PHF20: variants seen among roughly 807,000 people sequenced by gnomAD.
PHF20 encodes the protein glioma-expressed antigen 2.
In PHF20, 23 loss-of-function variants were observed where a neutral mutation model predicts 113.5. That is an observed-to-expected ratio of 0.20 (90% confidence interval 0.15 to 0.29). The LOEUF is 0.29. Ranked by LOEUF, PHF20 falls within the 10% of genes least tolerant of loss-of-function variation. PHF20 has a pLI of 1.00. For synonymous variants in PHF20, 434 were observed against 457.3 expected (o/e 0.95, Z 0.65); for missense variants, 943 against 1,219.6 (o/e 0.77, Z 3.38).
intron 1 of PHF20, among the ~76,000 whole-genome samples, chr20:35,776,639 G>A (rs1456004753): frequency 1.3e-5 from 2 of 152,104 alleles, no homozygotes; most frequent in Non-Finnish European, 2.9e-5. Flanking sequence ...ACGTGATCCT[G>A]TTGCCAGCCC....
intron 1 of PHF20, among the ~76,000 whole-genome samples, chr20:35,784,214 C>T (rs1313596135): frequency 2.6e-5 from 4 of 151,532 alleles, no homozygotes; most frequent in Non-Finnish European, 4.4e-5. Flanking sequence ...CCACCACGCC[C>T]GGCTAATTTT....
rs565911959 is a variant in PHF20 at position 35,915,827 on chromosome 20, T to G, written c.1825+1630T>G. 5.3e-5 allele frequency among the ~76,000 whole-genome samples: 8 copies of G among 152,330 alleles called. No individual in the cohort carries two copies. The South Asian group carries it at 1.7e-3, about 32-fold the overall frequency. On this transcript the variant is annotated intron_variant, in intron 12 of 17. Transcript: ENST00000374012. Reference sequence around the variant, plus strand: ...TTTGAACTAGCAATACATTTCATTATGTTAACTGACAATTTAAAAAATGAA... The same window carrying G: ...TTTGAACTAGCAATACATTTCATTAGGTTAACTGACAATTTAAAAAATGAA...
At chr20:35,924,431 T>A (rs1206413258) in intron 13 of PHF20, among the ~76,000 whole-genome samples, 3 of 152,002 alleles carry the variant, frequency 2.0e-5, no homozygotes, top group Non-Finnish European at 4.4e-5. Flanking sequence ...CGACCTCAGG[T>A]GATCCGCCCA....
intron 9 of PHF20, among the ~76,000 whole-genome samples, chr20:35,876,243 T>C (rs1442198045): frequency 6.6e-6 from 1 of 151,884 alleles, no homozygotes. Flanking sequence ...TTTTTTTGAA[T>C]GAGGTATTTG....
intron 1 of PHF20, among the ~76,000 whole-genome samples, chr20:35,772,773 G>C (rs922375765): frequency 2.0e-5 from 3 of 151,984 alleles, no homozygotes; most frequent in Non-Finnish European, 4.4e-5. Flanking sequence ...GGTTCACCCT[G>C]TTATCGGGTC....
chr20:35,913,729 A>C (rs529403115), intron 11 of PHF20, among the ~76,000 whole-genome samples: 1 of 152,356 alleles, frequency 6.6e-6, no homozygotes, highest in Admixed American at 6.5e-5. Flanking sequence ...AACTGTGTCT[A>C]GCCCTCACAA....
At chr20:35,944,374 C>G (rs919360570) in intron 17 of PHF20, among the ~76,000 whole-genome samples, 1 of 152,140 alleles carries the variant, frequency 6.6e-6, no homozygotes, top group Non-Finnish European at 1.5e-5. Flanking sequence ...CGCTTTCACA[C>G]TGTGCATGCC....
At chr20:35,803,327 A>G (rs116184364) in intron 2 of PHF20, among the ~76,000 whole-genome samples, 511 of 130,726 alleles carry the variant, frequency 3.9e-3, no homozygotes, top group African/African-American at 0.014. Flanking sequence ...TTTTTGGGCT[A>G]TTTTTTTTTT....
intron 10 of PHF20, among the ~76,000 whole-genome samples, chr20:35,909,042 C>T (rs759102569): frequency 5.3e-5 from 8 of 152,048 alleles, no homozygotes; most frequent in South Asian, 2.1e-4. Context: ...TTATTCCACT[C>T]GCTAAGATTT....
chr20:35,904,970 C>T (rs572511096), intron 10 of PHF20, among the ~76,000 whole-genome samples: 19 of 152,024 alleles, frequency 1.2e-4, no homozygotes, highest in African/African-American at 4.3e-4. Context: ...GGATTACAGG[C>T]GTGCACCACC....
At chr20:35,818,064 A>G (rs1408028966) in intron 2 of PHF20, among the ~76,000 whole-genome samples, 1 of 152,056 alleles carries the variant, frequency 6.6e-6, no homozygotes, top group Non-Finnish European at 1.5e-5. Context: ...TGGGCAGATT[A>G]CTTGAGTTCA....
At chr20:35,916,599 T>C (rs548100848) in intron 12 of PHF20, among the ~76,000 whole-genome samples, 1 of 151,414 alleles carries the variant, frequency 6.6e-6, no homozygotes, top group African/African-American at 2.4e-5. Flanking sequence ...TCCCCATAGC[T>C]GGGATTACAG....
intron 8 of PHF20, among the ~76,000 whole-genome samples, chr20:35,871,399 C>T (rs2146990421): frequency 6.6e-6 from 1 of 152,320 alleles, no homozygotes; most frequent in Admixed American, 6.5e-5. Context: ...CCCTGCTTCT[C>T]TCTCTCTGCT....
At chr20:35,794,994 C>T (rs751624437) in intron 1 of PHF20, among the ~76,000 whole-genome samples, 2 of 151,968 alleles carry the variant, frequency 1.3e-5, no homozygotes, top group Non-Finnish European at 2.9e-5. Context: ...GAGTTTGAGA[C>T]CAGCCTGGCC....
rs1279695685 is a variant in PHF20 at position 35,947,950 on chromosome 20, A to G, written c.*323A>G. The G allele has an allele frequency of 4.4e-6, 1 of 225,938 alleles. No individual in the cohort carries two copies. The highest frequency in any genetic ancestry group is 9.2e-5 in the East Asian group (1 of 10,814). The allele number at this position is 225,938 out of a possible 1,614,324, so 14.0% of individuals were successfully genotyped here. On this transcript the variant is annotated 3_prime_UTR_variant, in exon 18 of 18. Coordinates refer to ENST00000374012, the MANE Select transcript of PHF20 (RefSeq NM_016436.5). ...GATGATAAACGGAATGAGAGCCAAA[A>G]AAGTTTAGTTGGAGACAGTTGTAAA...
intron 6 of PHF20, among the ~76,000 whole-genome samples, chr20:35,865,853 C>T (rs1337342241): frequency 5.9e-5 from 9 of 152,022 alleles, no homozygotes; most frequent in Admixed American, 3.9e-4. Flanking sequence ...ATTGGCCAGG[C>T]GTGGTGGCTC....
At chr20:35,860,381 C>T (rs1229436991) in intron 5 of PHF20, among the ~76,000 whole-genome samples, 1 of 151,762 alleles carries the variant, frequency 6.6e-6, no homozygotes, top group Admixed American at 6.6e-5. Flanking sequence ...GCCGGGACTA[C>T]AGGCATGCAC....
intron 2 of PHF20, among the ~76,000 whole-genome samples, chr20:35,809,514 G>C (rs1807950798): frequency 6.6e-6 from 1 of 151,708 alleles, no homozygotes; most frequent in Non-Finnish European, 1.5e-5. Flanking sequence ...GGGAGGCAGA[G>C]GTTGCAGTGA....
intron 2 of PHF20, among the ~76,000 whole-genome samples, chr20:35,832,122 A>G (rs1384478033): frequency 1.3e-5 from 2 of 152,170 alleles, no homozygotes; most frequent in Middle Eastern, 3.4e-3. Flanking sequence ...CTCCTATTAC[A>G]TCTTCTCTCA....
Sources: gnomAD v4.1 joint callset for allele counts (sites outside exome capture counted in the v4.1 genomes callset) on GRCh38, gnomAD v4.1.1 for gene constraint, MANE v1.5 for transcripts, NCBI Gene and HGNC (gene_info 2026-07-23, HGNC 2026-07-21) for gene names.